ANKRD17: variants seen among roughly 807,000 people sequenced by gnomAD.
ANKRD17 encodes the protein ankyrin repeat domain 17.
In ANKRD17, 19 loss-of-function variants were observed where a neutral mutation model predicts 229.7. That is an observed-to-expected ratio of 0.08 (90% CI 0.06 to 0.12). The LOEUF (loss-of-function observed/expected upper bound fraction) is 0.12, where lower values mean the gene tolerates loss of function less well. Among genes scored for constraint, ANKRD17 ranks in the 10% least tolerant of loss-of-function variants. The pLI, the probability that ANKRD17 is intolerant of heterozygous loss-of-function variation, is 1.00. For synonymous variants in ANKRD17, 1,112 were observed against 1,146.1 expected, an observed-to-expected ratio of 0.97 and a Z score of 0.60; for missense variants, 2,176 against 3,176.8, an observed-to-expected ratio of 0.68 and a Z score of 7.57.
At chr4:73,083,344 G>C (rs1323164069) in intron 30 of ANKRD17, among the ~76,000 whole-genome samples, 1 of 152,204 alleles carries the variant, frequency 6.6e-6, no homozygotes, top group African/African-American at 2.4e-5. Context: ...TATCATGGTT[G>C]CATAAGAAAA....
At chr4:73,144,691 G>T (rs561349929) in intron 11 of ANKRD17, 54 bp downstream of exon 11, 2 of 1,233,214 alleles carry the variant, frequency 1.6e-6, no homozygotes, top group Non-Finnish European at 2.2e-6. Context: ...ATCTCTAAAT[G>T]AAGGCAGGGG....
At chr4:73,125,989 C>T (rs1057352353) in intron 16 of ANKRD17, among the ~76,000 whole-genome samples, 1 of 152,136 alleles carries the variant, frequency 6.6e-6, no homozygotes, top group African/African-American at 2.4e-5. Context: ...GGTGTTTAGA[C>T]AGGCAGTGCA....
intron 21 of ANKRD17, among the ~76,000 whole-genome samples, chr4:73,119,862 T>G (rs1417581282): frequency 2.0e-5 from 3 of 152,142 alleles, no homozygotes; most frequent in Non-Finnish European, 4.4e-5. Flanking sequence ...GACTTGTGTG[T>G]GGGGGATGTA....
intron 1 of ANKRD17, among the ~76,000 whole-genome samples, chr4:73,227,308 C>A (rs1383475127): frequency 6.6e-6 from 1 of 152,068 alleles, no homozygotes; most frequent in African/African-American, 2.4e-5. Flanking sequence ...CGCCCACCAC[C>A]ACGCCTGGCT....
chr4:73,202,056 T>C lies in ANKRD17; in HGVS notation c.394-24523A>G, dbSNP rs115801413. ...GGCACTTTATTAGCCATGAAAGATT[T>C]TTCACTGCAAATTTGCCACAGCACA... On this transcript the variant is annotated intron_variant, in intron 1 of 33. Coordinates refer to ENST00000358602, the MANE Select transcript of ANKRD17 (RefSeq NM_032217.5). Among the ~76,000 whole-genome samples, 933 of 152,188 alleles carry C rather than the reference T, an allele frequency of 6.1e-3. 10 individuals carry two copies. Among genetic ancestry groups the C allele is most frequent in the African/African-American group, 0.019 (777 of 41,522 alleles).
intron 1 of ANKRD17, among the ~76,000 whole-genome samples, chr4:73,216,743 A>T (rs1410364294): frequency 1.3e-5 from 2 of 152,214 alleles, no homozygotes; most frequent in African/African-American, 2.4e-5. Flanking sequence ...TGTGCCAATT[A>T]CTGTTGCCAC....
At position 73,258,354 on chromosome 4, in the gene ANKRD17, TCCGCCTCCACCGCCGCCTCCA is replaced by T; in HGVS notation, c.294_314del (p.Gly104_Gly110del). 1.2e-6 allele frequency: 2 copies of T among 1,608,344 alleles called. No individual in the cohort carries two copies. Among genetic ancestry groups the T allele is most frequent in the Non-Finnish European group, 1.7e-6 (2 of 1,178,016 alleles). Reference sequence around the variant, plus strand: ...TACTGCTGGTGCCGCCGCCGCCACCTCCGCCTCCACCGCCGCCTCCACCGCCGCCGCTGTTGTCGCTGTCGC... The same window carrying T: ...TACTGCTGGTGCCGCCGCCGCCACCTCCGCCGCCGCTGTTGTCGCTGTCGC... On this transcript the variant is annotated inframe_deletion, in exon 1 of 34. Transcript: ENST00000358602.
intron 1 of ANKRD17, among the ~76,000 whole-genome samples, chr4:73,206,566 G>A (rs891514023): frequency 1.3e-5 from 2 of 151,992 alleles, no homozygotes; most frequent in African/African-American, 4.8e-5. Flanking sequence ...AACAAGCCAG[G>A]CACAGAAATG....
At chr4:73,120,404 A>C in intron 20 of ANKRD17, 67 bp from the exon 21 acceptor site, 1 of 1,446,264 alleles carries the variant, frequency 6.9e-7, no homozygotes, top group Non-Finnish European at 9.5e-7. Flanking sequence ...ATTGTAAAGA[A>C]TAACAACTTG....
chr4:73,111,979 T>C (rs1181546895), intron 24 of ANKRD17, among the ~76,000 whole-genome samples: 5 of 152,158 alleles, frequency 3.3e-5, no homozygotes, highest in Non-Finnish European at 7.4e-5. Context: ...AGCAGAAAAG[T>C]GCTTGTGAAG....
intron 7 of ANKRD17, among the ~76,000 whole-genome samples, chr4:73,151,132 TC>T (rs1730952321): frequency 1.3e-5 from 2 of 152,156 alleles, no homozygotes; most frequent in Non-Finnish European, 2.9e-5. Context: ...CACCTTGGTC[TC>T]CCAAAATGCC....
At chr4:73,189,957 T>C (rs1267427122) in intron 1 of ANKRD17, among the ~76,000 whole-genome samples, 1 of 152,192 alleles carries the variant, frequency 6.6e-6, no homozygotes, top group South Asian at 2.1e-4. Flanking sequence ...AATCACCACA[T>C]TGAGGTATTA....
Position 73,121,019 on chromosome 4 carries a change from C to T in ANKRD17, c.3711G>A (p.Leu1237=), listed in dbSNP as rs750670125. The change falls in exon 20 of 34, where the codon CTG becomes CTA. Residue 1237 remains leucine (L), a synonymous_variant. Transcript: ENST00000358602. ...MNGHTAAVKL[L]LDMGSDINAQ... ...CATTTATGTCAGAGCCCATGTCTAA[C>T]AGGAGCTTAACAGCAGCTGTATGCC... is the stretch of plus-strand genomic sequence containing the variant. The T allele has an allele frequency of 6.8e-6, 11 of 1,613,780 alleles. No homozygotes were observed. In the East Asian group the frequency reaches 2.0e-4, roughly 29 times the overall value.
intron 2 of ANKRD17, among the ~76,000 whole-genome samples, chr4:73,168,732 T>C (rs896222710): frequency 6.6e-6 from 1 of 152,254 alleles, no homozygotes; most frequent in Non-Finnish European, 1.5e-5. Context: ...TTAATGCACA[T>C]AACCCTGTTT....
intron 1 of ANKRD17, among the ~76,000 whole-genome samples, chr4:73,254,490 G>A (rs1011804222): frequency 2.0e-5 from 3 of 152,202 alleles, no homozygotes; most frequent in Non-Finnish European, 4.4e-5. Flanking sequence ...AGATTGCAGT[G>A]CGCAGTGTGG....
chr4:73,168,514 C>T (rs1452262103), intron 2 of ANKRD17, among the ~76,000 whole-genome samples: 1 of 152,152 alleles, frequency 6.6e-6, no homozygotes, highest in East Asian at 1.9e-4. Context: ...ATCCACTTCA[C>T]AAAAATACCA....
At chr4:73,116,541 G>A (rs765457572) in intron 22 of ANKRD17, among the ~76,000 whole-genome samples, 3 of 152,006 alleles carry the variant, frequency 2.0e-5, no homozygotes, top group Non-Finnish European at 4.4e-5. Context: ...TTAGCCAGTC[G>A]GGATAAACAG....
chr4:73,105,855 G>A (rs1465432988), intron 24 of ANKRD17, among the ~76,000 whole-genome samples: 2 of 152,202 alleles, frequency 1.3e-5, no homozygotes, highest in Non-Finnish European at 1.5e-5. Flanking sequence ...GAAGCTGTAG[G>A]TAGTGGGTAG....
At chr4:73,243,712 A>T (rs1744242529) in intron 1 of ANKRD17, among the ~76,000 whole-genome samples, 1 of 152,230 alleles carries the variant, frequency 6.6e-6, no homozygotes, top group Non-Finnish European at 1.5e-5. Context: ...TTAGCAAAAG[A>T]CTACTTCTCC....
Sources: allele counts gnomAD v4.1 joint callset (sites outside exome capture counted in the v4.1 genomes callset), GRCh38; gene constraint gnomAD v4.1.1; transcripts MANE v1.5; gene names NCBI Gene and HGNC (gene_info 2026-07-23, HGNC 2026-07-21).